KRABD2: variants seen among roughly 807,000 people sequenced by gnomAD.
KRABD2 encodes the protein KRAB domain containing 2, also known as KRAB domain-containing protein 2.
At chr17:8,371,232 G>C in the KRABD2 span, 2,920 of 1,257,388 alleles carry the variant, frequency 2.3e-3, 61 homozygotes, top group African/African-American at 0.038. Flanking sequence ...GAAGAAAGCT[G>C]TGGGGATATT....
chr17:8,369,934 C>T, the KRABD2 span: 1 of 1,614,176 alleles, frequency 6.2e-7, no homozygotes, highest in Non-Finnish European at 8.5e-7. Context: ...AAGACAATAA[C>T]TTCTTTGGTG....
At chr17:8,371,479 A>G in the KRABD2 span, 4 of 1,612,000 alleles carry the variant, frequency 2.5e-6, no homozygotes, top group Middle Eastern at 1.7e-4. Context: ...TGGGCTAAAG[A>G]GCAGCTTCAG....
chr17:8,369,915 G>T, the KRABD2 span: 1 of 1,614,202 alleles, frequency 6.2e-7, no homozygotes, highest in Admixed American at 1.7e-5. Flanking sequence ...TTTACACAGA[G>T]TCAGATATAA....
the KRABD2 span, among the ~76,000 whole-genome samples, chr17:8,367,900 C>T: frequency 6.7e-6 from 1 of 150,104 alleles, no homozygotes. Context: ...GCCAAATCCC[C>T]CTCTGCAAGA....
At chr17:8,369,595 C>G in the KRABD2 span, 1 of 1,614,210 alleles carries the variant, frequency 6.2e-7, no homozygotes, top group Non-Finnish European at 8.5e-7. Flanking sequence ...GGCCACAACT[C>G]ATTGAGCTCA....
the KRABD2 span, among the ~76,000 whole-genome samples, chr17:8,374,934 T>A: frequency 1.2e-4 from 1 of 8,602 alleles, no homozygotes. Flanking sequence ...CCAGACTCTG[T>A]CACAAAAAAA....
chr17:8,376,045 C>T, the KRABD2 span: 1 of 1,231,754 alleles, frequency 8.1e-7, no homozygotes, highest in Non-Finnish European at 1.0e-6. Context: ...ACAACCTGTA[C>T]CACACTCACT....
At chr17:8,368,232 A>G in the KRABD2 span, among the ~76,000 whole-genome samples, 1 of 152,214 alleles carries the variant, frequency 6.6e-6, no homozygotes, top group South Asian at 2.1e-4. Context: ...AGTGGGCCCT[A>G]AATCCAGTGA....
chr17:8,371,350 C>A, the KRABD2 span: 3 of 1,614,146 alleles, frequency 1.9e-6, no homozygotes, highest in Non-Finnish European at 2.5e-6. Context: ...CATTGTGTCT[C>A]TGTAGCAATC....
chr17:8,361,308 C>G, the KRABD2 span, among the ~76,000 whole-genome samples: 1 of 152,102 alleles, frequency 6.6e-6, no homozygotes, highest in African/African-American at 2.4e-5. Flanking sequence ...CTACACAGGG[C>G]AGAACTGGAA....
the KRABD2 span, among the ~76,000 whole-genome samples, chr17:8,373,331 T>C: frequency 1.3e-5 from 2 of 152,346 alleles, no homozygotes; most frequent in East Asian, 3.9e-4. Context: ...GGCGCCGCCA[T>C]GCCTGACTGG....
the KRABD2 span, among the ~76,000 whole-genome samples, chr17:8,361,586 C>T: frequency 1.2e-4 from 19 of 152,310 alleles, no homozygotes; most frequent in African/African-American, 4.6e-4. Flanking sequence ...GGAACCACTG[C>T]AGATTTCTTT....
the KRABD2 span, among the ~76,000 whole-genome samples, chr17:8,362,212 C>T: frequency 6.6e-6 from 1 of 152,048 alleles, no homozygotes; most frequent in Non-Finnish European, 1.5e-5. The surrounding 1 kb of genome is among the most constrained non-coding windows in gnomAD (Gnocchi z 4.2). Context: ...TGCCTGTAGT[C>T]CCAGCTACTT....
chr17:8,371,639 G>A, the KRABD2 span: 5 of 1,422,200 alleles, frequency 3.5e-6, no homozygotes, highest in Non-Finnish European at 4.6e-6. Flanking sequence ...TGAGGGAAAG[G>A]AGTTTTGCTT....
chr17:8,374,825 A>T, the KRABD2 span, among the ~76,000 whole-genome samples: 1 of 143,398 alleles, frequency 7.0e-6, no homozygotes, highest in African/African-American at 2.6e-5. Flanking sequence ...GAGCGCCTGT[A>T]GTCCCAGGAG....
At chr17:8,369,350 A>G in the KRABD2 span, 1 of 1,614,246 alleles carries the variant, frequency 6.2e-7, no homozygotes, top group South Asian at 1.1e-5. Context: ...AGTTTGAGGA[A>G]TATAGCCCAA....
chr17:8,368,397 A>G, the KRABD2 span, among the ~76,000 whole-genome samples: 1 of 152,128 alleles, frequency 6.6e-6, no homozygotes, highest in Non-Finnish European at 1.5e-5. Flanking sequence ...GCCATAAAAA[A>G]TTATGGCCTT....
At chr17:8,370,019 A>G in the KRABD2 span, 1 of 1,614,192 alleles carries the variant, frequency 6.2e-7, no homozygotes, top group Middle Eastern at 1.6e-4. Flanking sequence ...GATGTGTATC[A>G]TGAAGAATAT....
At chr17:8,362,553 C>CA in the KRABD2 span, among the ~76,000 whole-genome samples, 5 of 152,130 alleles carry the variant, frequency 3.3e-5, no homozygotes, top group African/African-American at 4.8e-5. This position sits in a 1 kb window ranked among gnomAD's most constrained non-coding sequence, Gnocchi z 4.2. Flanking sequence ...TGTACTGTTG[C>CA]ATAACAAACC....
Sources: allele counts gnomAD v4.1 joint callset (sites outside exome capture counted in the v4.1 genomes callset), GRCh38; gene constraint gnomAD v4.1.1; non-coding constraint Gnocchi (gnomAD v3.1); transcripts MANE v1.5; gene names NCBI Gene and HGNC (gene_info 2026-07-23, HGNC 2026-07-21).